VTI1A: variants seen among roughly 807,000 people sequenced by gnomAD.
VTI1A encodes vesicle transport through interaction with t-SNAREs 1A.
A neutral mutation model predicts 34.9 loss-of-function variants in VTI1A; 22 were observed. The ratio of observed to expected loss-of-function variants is 0.63; its 90% CI spans 0.45 to 0.90. The LOEUF (loss-of-function observed/expected upper bound fraction) is 0.90. Among genes scored for constraint, VTI1A ranks in the 40% least tolerant of loss-of-function variants. The pLI is 0.00. For missense variants in VTI1A, 268 were observed against 275.6 expected, an observed-to-expected ratio of 0.97 and a Z score of 0.20; for synonymous variants, 87 against 97.3, an observed-to-expected ratio of 0.89 and a Z score of 0.62.
At chr10:112,745,118 T>C (rs1313610638) in intron 7 of VTI1A, among the ~76,000 whole-genome samples, 2 of 152,226 alleles carry the variant, frequency 1.3e-5, no homozygotes, top group African/African-American at 4.8e-5. Flanking sequence ...TTCCCTATGT[T>C]TTTTGGCTGC....
intron 5 of VTI1A, among the ~76,000 whole-genome samples, chr10:112,609,922 G>A (rs1399165843): frequency 6.6e-6 from 1 of 151,980 alleles, no homozygotes; most frequent in Non-Finnish European, 1.5e-5. Context: ...TAAAAGGATA[G>A]GGAAGTTTTA....
chr10:112,696,241 A>G (rs753268340), intron 7 of VTI1A, among the ~76,000 whole-genome samples: 1 of 152,122 alleles, frequency 6.6e-6, no homozygotes, highest in Non-Finnish European at 1.5e-5. Flanking sequence ...ACTTAAGACT[A>G]GGAGCCTTCA....
chr10:112,792,119 G>GA (rs1852500988), intron 7 of VTI1A, among the ~76,000 whole-genome samples: 2 of 152,002 alleles, frequency 1.3e-5, no homozygotes, highest in Admixed American at 6.6e-5. Context: ...ACTAAACGTA[G>GA]AAAAAATTAG....
chr10:112,849,546 C>T, the VTI1A span, among the ~76,000 whole-genome samples: 8 of 152,186 alleles, frequency 5.3e-5, no homozygotes, highest in Admixed American at 3.9e-4. Flanking sequence ...ACCCGCCTTT[C>T]GATGATGGAG....
At chr10:112,784,120 T>G (rs751428764) in intron 7 of VTI1A, among the ~76,000 whole-genome samples, 1 of 152,376 alleles carries the variant, frequency 6.6e-6, no homozygotes, top group African/African-American at 2.4e-5. Flanking sequence ...CGTGTTTTTT[T>G]ATCAGTTCAG....
At chr10:112,623,010 C>A (rs1845787618) in intron 5 of VTI1A, among the ~76,000 whole-genome samples, 1 of 152,154 alleles carries the variant, frequency 6.6e-6, no homozygotes, top group African/African-American at 2.4e-5. Flanking sequence ...AGAGCTGTTT[C>A]TGCCTTGTGT....
chr10:112,461,969 G>A (rs1284301414), intron 2 of VTI1A, among the ~76,000 whole-genome samples: 3 of 152,200 alleles, frequency 2.0e-5, no homozygotes, highest in African/African-American at 4.8e-5. Context: ...GCCCGCCTTG[G>A]CCTCCCAGAG....
At chr10:112,617,765 C>T (rs1296275999) in intron 5 of VTI1A, among the ~76,000 whole-genome samples, 1 of 152,102 alleles carries the variant, frequency 6.6e-6, no homozygotes, top group Non-Finnish European at 1.5e-5. Context: ...ACAAAAATCA[C>T]TTGTATTTCT....
At chr10:112,697,557 C>T (rs572681965) in intron 7 of VTI1A, among the ~76,000 whole-genome samples, 113 of 151,914 alleles carry the variant, frequency 7.4e-4, no homozygotes, top group Non-Finnish European at 1.5e-3. Context: ...CCATCATGCC[C>T]AGCTAATTTT....
chr10:112,757,143 AG>A (rs543044404), intron 7 of VTI1A, among the ~76,000 whole-genome samples: 14 of 152,158 alleles, frequency 9.2e-5, no homozygotes, highest in Non-Finnish European at 1.5e-4. Context: ...TGTAGGTACA[AG>A]GGTGACCAAG....
rs996219742 is a variant in VTI1A at position 112,447,264 on chromosome 10, T to C, written c.-110T>C. 30 of 1,185,392 alleles carry C rather than the reference T, an allele frequency of 2.5e-5. No individual in the cohort carries two copies. In the East Asian group the frequency reaches 7.5e-4, roughly 30 times the overall value. The allele number at this position is 1,185,392 out of a possible 1,614,324, so 73.4% of individuals were successfully genotyped here. On this transcript the variant is annotated 5_prime_UTR_variant, in exon 1 of 8. Transcript: ENST00000393077. ...GAGAGCTGTCCCCGGTTCTCCGTTC[T>C]GCTCTCGGGGGCACCTTCCGGGGTT...
chr10:112,737,926 T>G, intron 7 of VTI1A: 5 of 1,062,766 alleles, frequency 4.7e-6, no homozygotes, highest in Non-Finnish European at 5.7e-6. Flanking sequence ...GATGGAGGTA[T>G]GTCCCCTCTA....
At chr10:112,656,393 T>A (rs930192341) in intron 5 of VTI1A, among the ~76,000 whole-genome samples, 1 of 151,758 alleles carries the variant, frequency 6.6e-6, no homozygotes, top group Non-Finnish European at 1.5e-5. Context: ...AAACCTTTTT[T>A]TTTTTTTTTT....
At chr10:112,836,472 C>T in the VTI1A span, among the ~76,000 whole-genome samples, 20 of 152,302 alleles carry the variant, frequency 1.3e-4, no homozygotes, top group East Asian at 7.7e-4. Flanking sequence ...TGCCCCCTCA[C>T]GTGCTCTCCT....
intron 5 of VTI1A, among the ~76,000 whole-genome samples, chr10:112,580,174 C>T (rs1396838411): frequency 6.6e-6 from 1 of 151,964 alleles, no homozygotes; most frequent in Non-Finnish European, 1.5e-5. Context: ...GGAAGATGTA[C>T]AAAGGGATGG....
chr10:112,745,374 G>A (rs141412376), intron 7 of VTI1A, among the ~76,000 whole-genome samples: 55 of 152,144 alleles, frequency 3.6e-4, no homozygotes, highest in Middle Eastern at 3.4e-3. Context: ...GTAGGATTTG[G>A]ATTTTTTTTT....
the VTI1A span, chr10:112,832,194 G>C: frequency 6.8e-6 from 1 of 147,810 alleles, no homozygotes; most frequent in African/African-American, 2.5e-5. Flanking sequence ...TGGAGGAGGG[G>C]GTGTATTTTG....
the VTI1A span, among the ~76,000 whole-genome samples, chr10:112,833,226 G>C: frequency 3.3e-5 from 5 of 152,000 alleles, no homozygotes; most frequent in African/African-American, 1.2e-4. Flanking sequence ...CTACTCATCA[G>C]AAAGAGTGGA....
chr10:112,669,540 A>G (rs1847772098), intron 7 of VTI1A, among the ~76,000 whole-genome samples: 1 of 152,200 alleles, frequency 6.6e-6, no homozygotes, highest in South Asian at 2.1e-4. Flanking sequence ...GTGTAACTCT[A>G]CCTTGATTGA....
Sources: gnomAD v4.1 joint callset for allele counts (sites outside exome capture counted in the v4.1 genomes callset) on GRCh38, gnomAD v4.1.1 for gene constraint, MANE v1.5 for transcripts, NCBI Gene and HGNC (gene_info 2026-07-23, HGNC 2026-07-21) for gene names.